The following MX2 variants were observed in gnomAD, a reference collection of about 807,000 sequenced individuals.
MX2 encodes the protein MX dynamin like GTPase 2.
MX2 carries 51 observed loss-of-function variants against 74.0 expected under a neutral mutation model. The observed-to-expected ratio is 0.69, with a 90% CI of 0.55 to 0.87. The LOEUF (loss-of-function observed/expected upper bound fraction) is 0.87, where lower values mean the gene tolerates loss of function less well. Ranked by LOEUF, MX2 falls within the 40% of genes least tolerant of loss-of-function variation. The pLI is 0.00. For missense variants in MX2, 832 were observed against 908.7 expected (o/e 0.92, Z 1.09); for synonymous variants, 369 against 339.3 (o/e 1.09, Z -0.96).
chr21:41,381,101 C>A (rs969792521), intron 4 of MX2, among the ~76,000 whole-genome samples: 1 of 152,214 alleles, frequency 6.6e-6, no homozygotes, highest in South Asian at 2.1e-4. Flanking sequence ...CTGGAGGAAT[C>A]CCTTCCCAAA....
intron 4 of MX2, among the ~76,000 whole-genome samples, chr21:41,381,819 G>C (rs1407438038): frequency 6.6e-6 from 1 of 152,142 alleles, no homozygotes; most frequent in Non-Finnish European, 1.5e-5. Context: ...AAACCATCTG[G>C]CAATCTTCAC....
At position 41,398,974 on chromosome 21, in the gene MX2, T is replaced by C. The variant is rs2089773102; in HGVS notation, c.1227T>C (p.Ala409=). 1 of 1,614,028 alleles carries C rather than the reference T, an allele frequency of 6.2e-7. No homozygotes were observed. Among genetic ancestry groups the C allele is most frequent in the Non-Finnish European group, 8.5e-7 (1 of 1,179,894 alleles). The change falls in exon 9 of 14, where the codon GCT becomes GCC. Residue 409 remains alanine (A), a synonymous_variant. Coordinates refer to ENST00000330714, the MANE Select transcript of MX2 (RefSeq NM_002463.2). Reference sequence around the variant, plus strand: ...CCGAGGAGCTGCGGCGTTGCGGGGCTGACATCCCCAGCCAGGAGGCCGACA... The same window carrying C: ...CCGAGGAGCTGCGGCGTTGCGGGGCCGACATCCCCAGCCAGGAGGCCGACA... The part of the protein sequence containing the change: ...KATEELRRCG[A]DIPSQEADKM...
At chr21:41,373,150 G>A (rs985260276) in intron 1 of MX2, among the ~76,000 whole-genome samples, 2 of 152,200 alleles carry the variant, frequency 1.3e-5, no homozygotes, top group Admixed American at 6.5e-5. Context: ...AAAGGTGGCA[G>A]TGTCTCCCGG....
In MX2 at chr21:41,380,821, A is replaced by G. The variant is rs1170245902; in HGVS notation, c.577+670A>G. Among the ~76,000 whole-genome samples, 1 of 152,188 alleles carries G rather than the reference A, an allele frequency of 6.6e-6. No individual in the cohort carries two copies. The highest frequency in any genetic ancestry group is 1.5e-5 in the Non-Finnish European group (1 of 68,026). On this transcript the variant is annotated intron_variant, in intron 4 of 13. Coordinates refer to ENST00000330714, the MANE Select transcript of MX2 (RefSeq NM_002463.2). The surrounding 1 kb of genome is among the most constrained non-coding windows in gnomAD (Gnocchi z 4.3). ...AGTGGTTACGTCCCTTGGAGTGCAC[A>G]GCCCTGCCTGCCCCAGGCACTGGAG...
chr21:41,364,958 C>G (rs2145848477), intron 1 of MX2: 1 of 152,302 alleles, frequency 6.6e-6, no homozygotes, highest in East Asian at 1.9e-4. Flanking sequence ...AAATGTTAAT[C>G]TCCTTTGGCA....
intron 3 of MX2, 81 bp from the exon 4 acceptor site, chr21:41,379,936 C>A: frequency 6.4e-7 from 1 of 1,558,232 alleles, no homozygotes; most frequent in Non-Finnish European, 8.7e-7. Context: ...TTGGGGACAG[C>A]AGGGCAGGTT....
At chr21:41,375,805 CCATT>C (rs1365901754) in intron 1 of MX2, among the ~76,000 whole-genome samples, 4 of 152,144 alleles carry the variant, frequency 2.6e-5, no homozygotes, top group East Asian at 1.9e-4. Context: ...TGTGGGGACA[CCATT>C]CAGCCTCCTA....
chr21:41,408,421 G>T lies in MX2; in HGVS notation c.*188G>T. The stretch of plus-strand genomic sequence containing the variant: ...CAGGCTCAGCTCTCTCCACCACCCA[G>T]CTCTTCCCTGACCTTCACGAAGGGA... On this transcript the variant is annotated 3_prime_UTR_variant, in exon 14 of 14. Transcript: ENST00000330714. 1.3e-6 allele frequency: 1 copy of T among 748,360 alleles called. No individual in the cohort carries two copies. Among genetic ancestry groups the T allele is most frequent in the South Asian group, 1.9e-5 (1 of 51,646 alleles). The allele number at this position is 748,360 out of a possible 1,614,324, so 46.4% of individuals were successfully genotyped here. A position where few individuals can be genotyped will look rare whatever the true frequency, so the allele number is the denominator to read the frequency against.
intron 5 of MX2, among the ~76,000 whole-genome samples, chr21:41,387,423 C>T (rs1057509029): frequency 4.6e-5 from 7 of 152,234 alleles, no homozygotes; most frequent in African/African-American, 1.7e-4. Flanking sequence ...TTCCCGGCAA[C>T]AAGTGCTTGG....
chr21:41,389,098 A>C (rs1267944339), intron 5 of MX2, among the ~76,000 whole-genome samples: 1 of 152,196 alleles, frequency 6.6e-6, no homozygotes, highest in South Asian at 2.1e-4. Flanking sequence ...TAAGCACACA[A>C]GCAAGAAGAG....
chr21:41,397,710 G>A lies in MX2; in HGVS notation c.1149+19G>A, dbSNP rs753065805. ...TATCCAAGTGAGCCACGTGGGTTGGGTGACAAGTCATCAATACAGCATGCC... is the reference window on the plus strand; with the variant it reads ...TATCCAAGTGAGCCACGTGGGTTGGATGACAAGTCATCAATACAGCATGCC... On this transcript the variant is annotated intron_variant, in intron 8 of 13. Coordinates refer to ENST00000330714, the MANE Select transcript of MX2 (RefSeq NM_002463.2). 3.1e-6 allele frequency: 5 copies of A among 1,608,576 alleles called. No individual in the cohort carries two copies. In the Admixed American group the frequency reaches 8.3e-5, roughly 27 times the overall value.
chr21:41,381,954 G>A (rs1040220496), intron 4 of MX2, among the ~76,000 whole-genome samples: 4 of 152,172 alleles, frequency 2.6e-5, no homozygotes, highest in Non-Finnish European at 4.4e-5. Flanking sequence ...CAAGGAGGAA[G>A]CCATGATGCA....
chr21:41,389,357 TA>T (rs1051304360), intron 5 of MX2, among the ~76,000 whole-genome samples: 4 of 151,768 alleles, frequency 2.6e-5, no homozygotes, highest in African/African-American at 7.3e-5. Flanking sequence ...TCTACAAAAA[TA>T]AAAAATTAAA....
At chr21:41,398,838 G>T (rs550097603) in intron 8 of MX2, 59 bp from the exon 9 acceptor site, 26 of 1,584,542 alleles carry the variant, frequency 1.6e-5, no homozygotes, top group Admixed American at 3.5e-5. Flanking sequence ...ATATACCAAA[G>T]AAATCAGTTG....
intron 5 of MX2, chr21:41,390,272 C>T (rs534565188): frequency 8.2e-6 from 3 of 367,714 alleles, no homozygotes; most frequent in Middle Eastern, 8.7e-4. Context: ...CAAGGCATCT[C>T]GGGTGAGATC....
At chr21:41,378,807 A>AGAGGGAGCAGCTTCCAGAACCCG (rs2089449240) in intron 3 of MX2, among the ~76,000 whole-genome samples, 7 of 152,160 alleles carry the variant, frequency 4.6e-5, no homozygotes, top group African/African-American at 1.2e-4. Flanking sequence ...TCCAGAACCC[A>AGAGGGAGCAGCTTCCAGAACCCG]AGAAGGAGCA....
rs759231008 is a variant in MX2, at chr21:41,395,608, T to A, written c.893T>A (p.Leu298Gln). Reference protein sequence around the residue: ...RTIGILTKPDLMDRGTEKSVM... With the variant: ...RTIGILTKPDQMDRGTEKSVM... The stretch of plus-strand genomic sequence containing the variant: ...ACAGGTATCCTGACCAAACCAGATC[T>A]AATGGACAGGGGCACTGAGAAAAGC... Residue 298 changes from leucine to glutamine, a missense_variant, in exon 7 of 14, where the codon CTA (leucine) becomes CAA (glutamine). Coordinates refer to ENST00000330714, the MANE Select transcript of MX2 (RefSeq NM_002463.2). 2 of 1,614,130 alleles carry A rather than the reference T, an allele frequency of 1.2e-6. No homozygotes were observed. The highest frequency in any genetic ancestry group is 3.3e-5 in the Admixed American group (2 of 60,024).
chr21:41,381,779 G>T (rs1334431986), intron 4 of MX2, among the ~76,000 whole-genome samples: 1 of 152,092 alleles, frequency 6.6e-6, no homozygotes, highest in Non-Finnish European at 1.5e-5. Flanking sequence ...CACTGCTGGT[G>T]GGAATGTAAG....
intron 5 of MX2, among the ~76,000 whole-genome samples, chr21:41,387,312 C>T (rs371922618): frequency 2.0e-5 from 3 of 152,162 alleles, no homozygotes; most frequent in East Asian, 3.9e-4. Context: ...GATTAATGCT[C>T]ATAAGGAAGG....
Sources: allele counts gnomAD v4.1 joint callset (sites outside exome capture counted in the v4.1 genomes callset), GRCh38; gene constraint gnomAD v4.1.1; non-coding constraint Gnocchi (gnomAD v3.1); transcripts MANE v1.5; gene names NCBI Gene and HGNC (gene_info 2026-07-23, HGNC 2026-07-21).